Variants in MMP9 observed in about 807,000 individuals in gnomAD.
The protein encoded by MMP9 is matrix metalloproteinase-9.
MMP9 carries 73 observed loss-of-function variants against 76.4 expected under a neutral mutation model. The ratio of observed to expected loss-of-function variants is 0.96; its 90% CI spans 0.79 to 1.16. The LOEUF (loss-of-function observed/expected upper bound fraction) is 1.16, where lower values mean the gene tolerates loss of function less well. Among genes scored for constraint, MMP9 ranks in the 50% most tolerant of loss-of-function variants. The pLI, the probability that MMP9 is intolerant of heterozygous loss-of-function variation, is 0.00. For missense variants in MMP9, 943 were observed against 973.0 expected (o/e 0.97, Z 0.41); for synonymous variants, 412 against 408.4 (o/e 1.01, Z -0.11).
intron 5 of MMP9, 75 bp from the exon 6 acceptor site, chr20:46,011,499 A>C (rs1231990633): frequency 1.3e-6 from 2 of 1,597,672 alleles, no homozygotes; most frequent in Non-Finnish European, 1.7e-6. Context: ...CATGGGTCAA[A>C]GAACAGGACA....
At position 46,013,351 on chromosome 20, in the gene MMP9, A is replaced by G. The variant is rs1201050035; in HGVS notation, c.1427A>G (p.His476Arg). 1 of 1,585,230 alleles carries G rather than the reference A, an allele frequency of 6.3e-7. No homozygotes were observed. Among genetic ancestry groups the G allele is most frequent in the Non-Finnish European group, 8.6e-7 (1 of 1,166,082 alleles). Reference sequence around the variant, plus strand: ...TGCCCCACCGGACCCCCCACTGTCCACCCCTCAGAGCGCCCCACAGCTGGC... The same window carrying G: ...TGCCCCACCGGACCCCCCACTGTCCGCCCCTCAGAGCGCCCCACAGCTGGC... ...TVCPTGPPTV[H>R]PSERPTAGPT... Residue 476 changes from histidine to arginine, a missense_variant, in exon 9 of 13, where the codon CAC (histidine) becomes CGC (arginine). His to Arg is a conservative substitution (Grantham distance 29). Transcript: ENST00000372330. The surrounding 1 kb of genome is among the most constrained non-coding windows in gnomAD (Gnocchi z 4.5).
chr20:46,016,379 C>T lies in MMP9; in HGVS notation c.*11C>T, dbSNP rs994964476. 3 of 1,609,092 alleles carry T rather than the reference C, an allele frequency of 1.9e-6. No individual in the cohort carries two copies. Among genetic ancestry groups the T allele is most frequent in the Admixed American group, 3.3e-5 (2 of 59,998 alleles). ...TGCCCTGAGGACTAGGGCTCCCGTC[C>T]TGCTTTGGCAGTGCCATGTAAATCC... On this transcript the variant is annotated 3_prime_UTR_variant, in exon 13 of 13. Coordinates refer to ENST00000372330, the MANE Select transcript of MMP9 (RefSeq NM_004994.3).
In MMP9 at chr20:46,010,986, C is replaced by T; in HGVS notation, c.585C>T (p.Gly195=). Reference sequence around the variant, plus strand: ...TCCTGGCACACGCCTTTCCTCCTGGCCCCGGCATTCAGGGAGACGCCCATT... The same window carrying T: ...TCCTGGCACACGCCTTTCCTCCTGGTCCCGGCATTCAGGGAGACGCCCATT... ...DGLLAHAFPP[G]PGIQGDAHFD... is the part of the protein sequence containing the mutation. The change falls in exon 4 of 13, where the codon GGC becomes GGT. Residue 195 remains glycine (G), a synonymous_variant. Transcript: ENST00000372330. 6.2e-7 allele frequency: 1 copy of T among 1,614,150 alleles called. No homozygotes were observed. Among genetic ancestry groups the T allele is most frequent in the Non-Finnish European group, 8.5e-7 (1 of 1,180,038 alleles).
At chr20:46,010,333 A>AAAAACAAAAAAAAAAAAC in intron 2 of MMP9, 150 bp from the exon 3 acceptor site, 1 of 827,760 alleles carries the variant, frequency 1.2e-6, no homozygotes, top group African/African-American at 2.2e-5. Context: ...AAAAAAAAAA[A>AAAAACAAAAAAAAAAAAC]AAAAAAAACA....
chr20:46,010,122 CG>C, intron 2 of MMP9, 24 bp downstream of exon 2: 1 of 781,202 alleles, frequency 1.3e-6, no homozygotes, highest in Non-Finnish European at 2.0e-6. Flanking sequence ...GTGGGGGCAG[CG>C]GGGTGGGGCG....
chr20:46,011,731 C>G lies in MMP9; in HGVS notation c.981C>G (p.Gly327=), dbSNP rs2084280824. 1.2e-6 allele frequency: 2 copies of G among 1,612,600 alleles called. No individual in the cohort carries two copies. Among genetic ancestry groups the G allele is most frequent in the East Asian group, 4.5e-5 (2 of 44,880 alleles). The change falls in exon 6 of 13, where the codon GGC becomes GGG. Residue 327 remains glycine (G), a synonymous_variant. Transcript: ENST00000372330. ...TANYDRDKLF[G]FCPTRADSTV... is the part of the protein sequence containing the mutation. ...ACTACGACCGGGACAAGCTCTTCGG[C>G]TTCTGCCCGACCCGAGGTACCTCCA...
chr20:46,012,615 G>T (rs1217345252), intron 8 of MMP9, 33 bp downstream of exon 8: 15 of 1,512,840 alleles, frequency 9.9e-6, no homozygotes, highest in Non-Finnish European at 1.2e-5. Flanking sequence ...AGGAGGAGGG[G>T]AAAGGGCGTG....
rs1436161320 is a variant in MMP9, at chr20:46,013,083, G to A, written c.1331-172G>A. On this transcript the variant is annotated intron_variant, in intron 8 of 12. Transcript: ENST00000372330. This position sits in a 1 kb window ranked among gnomAD's most constrained non-coding sequence, Gnocchi z 4.5. ...TCCATCCTGGGCCATAGAGGATGTCGCTTAAAACGAAAAAGAAGAAGAAGA... is the reference window on the plus strand; with the variant it reads ...TCCATCCTGGGCCATAGAGGATGTCACTTAAAACGAAAAAGAAGAAGAAGA... 3.9e-5 allele frequency among the ~76,000 whole-genome samples: 6 copies of A among 151,918 alleles called. No homozygotes were observed. The highest frequency in any genetic ancestry group is 1.5e-4 in the African/African-American group (6 of 41,342).
rs1371238110 is a variant in MMP9, at chr20:46,010,019, C to T, written c.292C>T (p.Arg98Trp). 7 of 1,551,014 alleles carry T rather than the reference C, an allele frequency of 4.5e-6. No individual in the cohort carries two copies. The highest frequency in any genetic ancestry group is 2.4e-5 in the East Asian group (1 of 40,886). ...SATLKAMRTP[R>W]CGVPDLGRFQ... Reference sequence around the variant, plus strand: ...CACGCTGAAGGCCATGCGAACCCCACGGTGCGGGGTCCCAGACCTGGGCAG... The same window carrying T: ...CACGCTGAAGGCCATGCGAACCCCATGGTGCGGGGTCCCAGACCTGGGCAG... Residue 98 changes from arginine to tryptophan, a missense_variant, in exon 2 of 13, where the codon CGG (arginine) becomes TGG (tryptophan). By Grantham distance (101) the Arg-to-Trp change is moderately radical. Coordinates refer to ENST00000372330, the MANE Select transcript of MMP9 (RefSeq NM_004994.3).
In MMP9 at chr20:46,013,165, G is replaced by A. The variant is rs2084295082; in HGVS notation, c.1331-90G>A. The A allele has an allele frequency of 1.4e-6, 2 of 1,474,048 alleles. No individual in the cohort carries two copies. Among genetic ancestry groups the A allele is most frequent in the African/African-American group, 1.4e-5 (1 of 72,108 alleles). The allele number at this position is 1,474,048 out of a possible 1,614,324, so 91.3% of individuals were successfully genotyped here. A position where few individuals can be genotyped will look rare whatever the true frequency, so the allele number is the denominator to read the frequency against. On this transcript the variant is annotated intron_variant, in intron 8 of 12. Coordinates refer to ENST00000372330, the MANE Select transcript of MMP9 (RefSeq NM_004994.3). This position sits in a 1 kb window ranked among gnomAD's most constrained non-coding sequence, Gnocchi z 4.5. ...GAGGAGGGGCCTGTGTGCCAGAGGA[G>A]GCTTCACTGAGAAGCTTAGGGGAGC...
chr20:46,014,524 T>C lies in MMP9; in HGVS notation c.2005+50T>C, dbSNP rs6017726. The C allele has an allele frequency of 5.3e-5, 80 of 1,499,998 alleles. No homozygotes were observed. The African/African-American group carries it at 1.1e-3, about 21-fold the overall frequency. 92.9% of individuals were successfully genotyped at this position (1,499,998 alleles called of 1,614,324 possible). A position where few individuals can be genotyped will look rare whatever the true frequency, so the allele number is the denominator to read the frequency against. The stretch of plus-strand genomic sequence containing the variant: ...GTGAGACACCACACTAAGCTCCTCT[T>C]AGTGAGTGGTCAAATTCTGAGCGAG... On this transcript the variant is annotated intron_variant, in intron 12 of 12. Coordinates refer to ENST00000372330, the MANE Select transcript of MMP9 (RefSeq NM_004994.3).
chr20:46,014,847 C>G, intron 12 of MMP9: 1 of 257,350 alleles, frequency 3.9e-6, no homozygotes, highest in Non-Finnish European at 7.6e-6. Flanking sequence ...CACTGCTTCT[C>G]TACTCTTCGA....
In MMP9 at chr20:46,012,219, C is replaced by G. The variant is rs200318260; in HGVS notation, c.1080C>G (p.Thr360=). The G allele has an allele frequency of 6.2e-7, 1 of 1,614,190 alleles. No individual in the cohort carries two copies. The highest frequency in any genetic ancestry group is 8.5e-7 in the Non-Finnish European group (1 of 1,180,052). Residue 360 remains threonine (T), a synonymous_variant, in exon 7 of 13, where the codon ACC becomes ACG. Coordinates refer to ENST00000372330, the MANE Select transcript of MMP9 (RefSeq NM_004994.3). ...PFTFLGKEYS[T]CTSEGRGDGR... ...CTTTCCTGGGTAAGGAGTACTCGAC[C>G]TGTACCAGCGAGGGCCGCGGAGATG...
chr20:46,014,617 CCTT>C, intron 12 of MMP9, 143 bp downstream of exon 12: 1 of 895,376 alleles, frequency 1.1e-6, no homozygotes, highest in Non-Finnish European at 1.8e-6. Flanking sequence ...GAGGCAGAGG[CCTT>C]CTCCAGGTCA....
In MMP9 at chr20:46,016,070, G is replaced by A. The variant is rs3918282; in HGVS notation, c.2006-180G>A. On this transcript the variant is annotated intron_variant, in intron 12 of 12. Transcript: ENST00000372330. ...CAGTGCTTTGGGCACTGAGGTCTGT[G>A]CCCTCCAGCATCTCACAGAACCTCA... Among the ~76,000 whole-genome samples, 972 of 152,344 alleles carry A rather than the reference G, an allele frequency of 6.4e-3. 7 individuals are homozygous for A. Among genetic ancestry groups the A allele is most frequent in the Non-Finnish European group, 0.011 (745 of 68,020 alleles).
At chr20:46,012,633 C>T in intron 8 of MMP9, 51 bp downstream of exon 8, 1 of 1,500,928 alleles carries the variant, frequency 6.7e-7, no homozygotes, top group South Asian at 1.1e-5. Flanking sequence ...GTGGCTGTGC[C>T]ACAGTACCAA....
At chr20:46,015,061 A>C (rs1175058801) in intron 12 of MMP9, among the ~76,000 whole-genome samples, 1 of 152,160 alleles carries the variant, frequency 6.6e-6, no homozygotes, top group Non-Finnish European at 1.5e-5. Flanking sequence ...CCTTTAACAA[A>C]TTCCATGAGA....
At position 46,012,255 on chromosome 20, in the gene MMP9, G is replaced by A. The variant is rs1455292512; in HGVS notation, c.1116G>A (p.Trp372Ter). 1.2e-6 allele frequency: 2 copies of A among 1,614,052 alleles called. No individual in the cohort carries two copies. Among genetic ancestry groups the A allele is most frequent in the Admixed American group, 3.3e-5 (2 of 60,032 alleles). ...AGGGCCGCGGAGATGGGCGCCTCTG[G>A]TGCGCTACCACCTCGAACTTTGACA... ...TSEGRGDGRL[W>*]CATTSNFDSD... Residue 372 changes from tryptophan to a stop codon, truncating the protein, a stop_gained, in exon 7 of 13, where the codon TGG becomes TGA. Transcript: ENST00000372330. LOFTEE classifies it high-confidence loss of function.
chr20:46,012,643 A>G (rs2084290607), intron 8 of MMP9, 61 bp downstream of exon 8: 3 of 1,597,154 alleles, frequency 1.9e-6, no homozygotes, highest in Non-Finnish European at 1.7e-6. Flanking sequence ...CACAGTACCA[A>G]AGAATTGGGG....
Sources: allele counts gnomAD v4.1 joint callset (sites outside exome capture counted in the v4.1 genomes callset), GRCh38; gene constraint gnomAD v4.1.1; non-coding constraint Gnocchi (gnomAD v3.1); transcripts MANE v1.5; gene names NCBI Gene and HGNC (gene_info 2026-07-23, HGNC 2026-07-21).